Variants in PRKG1 observed in about 807,000 individuals in gnomAD.
PRKG1 encodes the protein protein kinase cGMP-dependent 1.
In PRKG1, 35 loss-of-function variants were observed where a neutral mutation model predicts 88.1. That is an observed-to-expected ratio of 0.40 (90% confidence interval 0.30 to 0.53). The LOEUF is 0.53. Ranked by LOEUF, PRKG1 falls within the 20% of genes least tolerant of loss-of-function variation. PRKG1 has a pLI of 0.59. For missense variants in PRKG1, 540 were observed against 839.8 expected (o/e 0.64, Z 4.41); for synonymous variants, 303 against 292.5 (o/e 1.04, Z -0.37).
At chr10:51,079,232 C>G (rs951936962) in intron 1 of PRKG1, among the ~76,000 whole-genome samples, 1 of 152,008 alleles carries the variant, frequency 6.6e-6, no homozygotes, top group African/African-American at 2.4e-5. Context: ...CAGGAGTGAA[C>G]AAGGGGTTAA....
chr10:51,423,748 G>A (rs900158858), intron 2 of PRKG1, among the ~76,000 whole-genome samples: 1 of 152,110 alleles, frequency 6.6e-6, no homozygotes, highest in Non-Finnish European at 1.5e-5. Flanking sequence ...GGAAGGCTAA[G>A]ATGAATATTT....
At chr10:52,218,926 T>C (rs1425221036) in intron 9 of PRKG1, among the ~76,000 whole-genome samples, 1 of 152,124 alleles carries the variant, frequency 6.6e-6, no homozygotes, top group Non-Finnish European at 1.5e-5. Flanking sequence ...AAGAGAATAT[T>C]ATGACCAGTT....
intron 2 of PRKG1, among the ~76,000 whole-genome samples, chr10:51,359,141 T>C (rs1433855159): frequency 3.3e-5 from 5 of 151,974 alleles, no homozygotes; most frequent in African/African-American, 1.2e-4. Context: ...ACTAAAGGGT[T>C]CATCTGAAAT....
At chr10:51,626,768 A>G (rs1236753699) in intron 3 of PRKG1, among the ~76,000 whole-genome samples, 1 of 152,164 alleles carries the variant, frequency 6.6e-6, no homozygotes, top group African/African-American at 2.4e-5. Context: ...CAGTGTTGAG[A>G]TCACTCTTGG....
intron 1 of PRKG1, among the ~76,000 whole-genome samples, chr10:51,006,032 G>T (rs1271150288): frequency 1.3e-5 from 2 of 152,182 alleles, no homozygotes; most frequent in Non-Finnish European, 2.9e-5. Flanking sequence ...AGGCTGGAGG[G>T]GGAGGTGTGC....
chr10:51,138,171 T>A (rs1845732066), intron 1 of PRKG1, among the ~76,000 whole-genome samples: 1 of 152,160 alleles, frequency 6.6e-6, no homozygotes, highest in Non-Finnish European at 1.5e-5. Flanking sequence ...ATAATAAACA[T>A]GAGGATAACT....
intron 3 of PRKG1, 41 bp from the exon 4 acceptor site, chr10:51,804,544 A>G: frequency 7.3e-7 from 1 of 1,374,894 alleles, no homozygotes; most frequent in Non-Finnish European, 1.0e-6. Context: ...AAATTCTCTG[A>G]TTAATTTTTC....
At chr10:52,010,478 C>T (rs148044917) in intron 5 of PRKG1, among the ~76,000 whole-genome samples, 5 of 152,224 alleles carry the variant, frequency 3.3e-5, no homozygotes, top group African/African-American at 1.2e-4. Flanking sequence ...ATTACTTAAA[C>T]CAGGGGTGTT....
intron 5 of PRKG1, among the ~76,000 whole-genome samples, chr10:52,006,654 A>G (rs61847551): frequency 0.11 from 15,995 of 152,252 alleles, 972 homozygotes; most frequent in South Asian, 0.14. Context: ...TCTATGATTC[A>G]CTGATGTCCC....
intron 1 of PRKG1, among the ~76,000 whole-genome samples, chr10:51,034,371 C>A (rs1375304407): frequency 6.6e-6 from 1 of 151,942 alleles, no homozygotes; most frequent in East Asian, 1.9e-4. Context: ...ATCTGTGAGA[C>A]AGACAGAATA....
chr10:51,553,957 T>TGTGC (rs1363690327), intron 3 of PRKG1, among the ~76,000 whole-genome samples: 2 of 133,314 alleles, frequency 1.5e-5, no homozygotes, highest in African/African-American at 5.8e-5. Context: ...ATATAATATA[T>TGTGC]GTATGTATTA....
intron 5 of PRKG1, among the ~76,000 whole-genome samples, chr10:51,969,652 T>TA (rs764134663): frequency 4.6e-4 from 70 of 151,896 alleles, no homozygotes; most frequent in Admixed American, 1.5e-3. Context: ...AAATAACATA[T>TA]AAAAAGGAGC....
intron 3 of PRKG1, among the ~76,000 whole-genome samples, chr10:51,469,196 A>C (rs1158730268): frequency 2.0e-5 from 3 of 151,868 alleles, no homozygotes; most frequent in Non-Finnish European, 4.4e-5. Flanking sequence ...TAAGTGAAAC[A>C]ATTTTTACAA....
chr10:51,697,942 G>T (rs148098627), intron 3 of PRKG1: 192 of 1,597,898 alleles, frequency 1.2e-4, no homozygotes, highest in South Asian at 3.7e-4. Context: ...CTTGTATACT[G>T]ACTCCTTGTA....
At chr10:52,113,813 T>A (rs974926940) in intron 7 of PRKG1, among the ~76,000 whole-genome samples, 8 of 152,188 alleles carry the variant, frequency 5.3e-5, no homozygotes, top group African/African-American at 1.9e-4. Flanking sequence ...TATGATTTTT[T>A]AAAATCTATC....
intron 4 of PRKG1, among the ~76,000 whole-genome samples, chr10:51,843,301 G>A (rs1435202061): frequency 6.6e-6 from 1 of 151,862 alleles, no homozygotes; most frequent in African/African-American, 2.4e-5. Flanking sequence ...TTCTTTCTCA[G>A]AGAAAACAAA....
chr10:51,371,396 A>T (rs1266715888), intron 2 of PRKG1, among the ~76,000 whole-genome samples: 5 of 152,004 alleles, frequency 3.3e-5, no homozygotes, highest in Admixed American at 1.3e-4. Flanking sequence ...AAAAAAAAAC[A>T]TGAGGACAAT....
intron 3 of PRKG1, among the ~76,000 whole-genome samples, chr10:51,511,049 G>A (rs1260516615): frequency 6.6e-6 from 1 of 151,974 alleles, no homozygotes; most frequent in East Asian, 1.9e-4. Context: ...GCTGCGCCTG[G>A]CCTGTATTGT....
At chr10:52,171,786 AT>A (rs545195374) in intron 9 of PRKG1, among the ~76,000 whole-genome samples, 394 of 93,794 alleles carry the variant, frequency 4.2e-3, no homozygotes, top group African/African-American at 0.015. Flanking sequence ...TTTTATCAAA[AT>A]TTTTTTTTTT....
Sources: allele counts gnomAD v4.1 joint callset (sites outside exome capture counted in the v4.1 genomes callset), GRCh38; gene constraint gnomAD v4.1.1; transcripts MANE v1.5; gene names NCBI Gene and HGNC (gene_info 2026-07-23, HGNC 2026-07-21).